Variants in ZBTB46 observed in about 807,000 individuals in gnomAD.
ZBTB46 encodes zinc finger and BTB domain containing 46, also known as zinc finger and BTB domain-containing protein 46.
A neutral mutation model predicts 44.1 loss-of-function variants in ZBTB46; 8 were observed. That is an observed-to-expected ratio of 0.18 (90% CI 0.11 to 0.33). ZBTB46 has a LOEUF of 0.33. Among genes scored for constraint, ZBTB46 ranks in the 10% least tolerant of loss-of-function variants. ZBTB46 has a pLI of 1.00. For synonymous variants in ZBTB46, 409 were observed against 382.3 expected (o/e 1.07, Z -0.81); for missense variants, 651 against 847.7 (o/e 0.77, Z 2.88).
chr20:63,747,457 TG>T lies in ZBTB46; in HGVS notation c.1399-157del, dbSNP rs1182355466. Among the ~76,000 whole-genome samples, 15 of 12,922 alleles carry T rather than the reference TG, an allele frequency of 1.2e-3. No individual in the cohort carries two copies. The South Asian group carries it at 0.014, about 12-fold the overall frequency. 8.5% of individuals were successfully genotyped at this position (12,922 alleles called of 152,430 possible). A position where few individuals can be genotyped will look rare whatever the true frequency, so the allele number is the denominator to read the frequency against. On this transcript the variant is annotated intron_variant, in intron 4 of 4. Transcript: ENST00000245663. Reference sequence around the variant, plus strand: ...GGGGGTGAGCAGGGCCTGGTGGAGGTGGGGGGGGCGGGGCAGGGGGTGAGCA... The same window carrying T: ...GGGGGTGAGCAGGGCCTGGTGGAGGTGGGGGGGCGGGGCAGGGGGTGAGCA...
intron 3 of ZBTB46, chr20:63,769,444 A>G: frequency 2.0e-6 from 2 of 985,282 alleles, no homozygotes; most frequent in Non-Finnish European, 2.4e-6. Flanking sequence ...GCTGGGTTCT[A>G]GAGAGTTCCA....
At chr20:63,759,125 A>G (rs1273068733) in intron 3 of ZBTB46, among the ~76,000 whole-genome samples, 1 of 152,126 alleles carries the variant, frequency 6.6e-6, no homozygotes, top group African/African-American at 2.4e-5. Context: ...TCCCAGCAAT[A>G]TTTTATAGTT....
At chr20:63,833,363 A>C (rs1030852894), upstream of ZBTB46, among the ~76,000 whole-genome samples, 1 of 152,166 alleles carries the variant, frequency 6.6e-6, no homozygotes, top group Non-Finnish European at 1.5e-5. Context: ...AGGCCGAGGC[A>C]GGCGGATCAC....
Position 63,743,695 on chromosome 20 carries a change from G to T in ZBTB46, c.*3235C>A, listed in dbSNP as rs1027838320. On this transcript the variant is annotated 3_prime_UTR_variant, in exon 5 of 5. Coordinates refer to ENST00000245663, the MANE Select transcript of ZBTB46 (RefSeq NM_001369741.1). ...TGGAGCAGCAATTTCCCAATTTATT[G>T]AAAGTGATCGCTTTGCAAGGATGTC... 1 of 152,384 alleles carries T rather than the reference G, an allele frequency of 6.6e-6. No individual in the cohort carries two copies. Among genetic ancestry groups the T allele is most frequent in the Non-Finnish European group, 1.5e-5 (1 of 68,050 alleles). 9.4% of individuals were successfully genotyped at this position (152,384 alleles called of 1,614,324 possible). A position where few individuals can be genotyped will look rare whatever the true frequency, so the allele number is the denominator to read the frequency against.
intron 1 of ZBTB46, among the ~76,000 whole-genome samples, chr20:63,802,680 G>A (rs1188702336): frequency 2.5e-4 from 36 of 145,210 alleles, no homozygotes; most frequent in Admixed American, 1.1e-3. Context: ...CACCCTCCCA[G>A]GAACCGCCGC....
rs2092173556 is a variant in ZBTB46, at chr20:63,752,098, C to A, written c.1398+588G>T. On this transcript the variant is annotated intron_variant, in intron 4 of 4. Coordinates refer to ENST00000245663, the MANE Select transcript of ZBTB46 (RefSeq NM_001369741.1). This position sits in a 1 kb window ranked among gnomAD's most constrained non-coding sequence, Gnocchi z 5.6. ...CCAGGACTCCCCGAACCCTTGGGGC[C>A]GCCCCGCTCTGGGCTGCCTGTGCCC... is the stretch of plus-strand genomic sequence containing the variant. 6.6e-6 allele frequency among the ~76,000 whole-genome samples: 1 copy of A among 152,112 alleles called. No individual in the cohort carries two copies. The highest frequency in any genetic ancestry group is 2.4e-5 in the African/African-American group (1 of 41,428).
Position 63,746,740 on chromosome 20 carries a change from A to G in ZBTB46, c.*190T>C. 2.3e-6 allele frequency: 2 copies of G among 867,482 alleles called. No individual in the cohort carries two copies. Among genetic ancestry groups the G allele is most frequent in the East Asian group, 3.0e-5 (1 of 33,106 alleles). 53.7% of individuals were successfully genotyped at this position (867,482 alleles called of 1,614,324 possible). ...CAACTCACTTCATGTCTGGTCCCAG[A>G]GCACCCCTCTTGCTGGGGTCGCACC... is the stretch of plus-strand genomic sequence containing the variant. On this transcript the variant is annotated 3_prime_UTR_variant, in exon 5 of 5. Coordinates refer to ENST00000245663, the MANE Select transcript of ZBTB46 (RefSeq NM_001369741.1).
chr20:63,827,615 AAAAAAAAAAAAAC>A (rs1600735977), intron 1 of ZBTB46, among the ~76,000 whole-genome samples: 1 of 97,646 alleles, frequency 1.0e-5, no homozygotes, highest in South Asian at 3.1e-4. Context: ...ACTCCGTCTC[AAAAAAAAAAAAAC>A]AAAAAAAAAA....
At chr20:63,754,850 C>T (rs6089972) in intron 3 of ZBTB46, among the ~76,000 whole-genome samples, 1 of 151,870 alleles carries the variant, frequency 6.6e-6, no homozygotes, top group Non-Finnish European at 1.5e-5. Context: ...CCGCCCGCCT[C>T]GGCCTCTCAA....
At chr20:63,748,911 G>A (rs1476388844) in intron 4 of ZBTB46, among the ~76,000 whole-genome samples, 4 of 152,222 alleles carry the variant, frequency 2.6e-5, no homozygotes, top group African/African-American at 7.2e-5. Context: ...CACTTGCAAA[G>A]ACCTCTGACG....
intron 3 of ZBTB46, among the ~76,000 whole-genome samples, chr20:63,766,831 C>A (rs560423074): frequency 6.6e-6 from 1 of 152,158 alleles, no homozygotes; most frequent in Non-Finnish European, 1.5e-5. Flanking sequence ...GGGGACCGTC[C>A]GGAAAGGGGA....
In ZBTB46 at chr20:63,828,181, C is replaced by T. The variant is rs554805302; in HGVS notation, c.-34+2916G>A. The stretch of plus-strand genomic sequence containing the variant: ...CTTTGTCATCACCAGCAAACCAGAA[C>T]ACCAAGCCTGGGTCTGTATATGTGA... On this transcript the variant is annotated intron_variant, in intron 1 of 4. Coordinates refer to ENST00000245663, the MANE Select transcript of ZBTB46 (RefSeq NM_001369741.1). Among the ~76,000 whole-genome samples the T allele has an allele frequency of 8.5e-5, 13 of 152,360 alleles. No individual in the cohort carries two copies. The South Asian group carries it at 2.7e-3, about 32-fold the overall frequency.
intron 1 of ZBTB46, among the ~76,000 whole-genome samples, chr20:63,817,122 GAAAA>G (rs1335209754): frequency 5.3e-5 from 8 of 151,304 alleles, no homozygotes; most frequent in Middle Eastern, 3.5e-3. Flanking sequence ...AAAAAGAAAA[GAAAA>G]GAAAAGGAAA....
intron 2 of ZBTB46, among the ~76,000 whole-genome samples, chr20:63,784,398 G>T (rs1402590558): frequency 2.0e-5 from 3 of 152,206 alleles, no homozygotes; most frequent in Non-Finnish European, 4.4e-5. Flanking sequence ...TCTGATGTAC[G>T]CTTAAAAATC....
rs2145990611 is a variant in ZBTB46, at chr20:63,803,001, G to A, written c.-33-12211C>T. 6.6e-6 allele frequency among the ~76,000 whole-genome samples: 1 copy of A among 152,234 alleles called. No homozygotes were observed. Among genetic ancestry groups the A allele is most frequent in the Middle Eastern group, 3.4e-3 (1 of 294 alleles). Reference sequence around the variant, plus strand: ...GACATGGCAGCCCCAGGTCACTGACGCCCCGTTTCTACCACCAAAGAGCGC... The same window carrying A: ...GACATGGCAGCCCCAGGTCACTGACACCCCGTTTCTACCACCAAAGAGCGC... On this transcript the variant is annotated intron_variant, in intron 1 of 4. Coordinates refer to ENST00000245663, the MANE Select transcript of ZBTB46 (RefSeq NM_001369741.1). The surrounding 1 kb of genome is among the most constrained non-coding windows in gnomAD (Gnocchi z 4.0).
chr20:63,758,796 A>C (rs1047780192), intron 3 of ZBTB46, among the ~76,000 whole-genome samples: 17 of 147,374 alleles, frequency 1.2e-4, no homozygotes, highest in African/African-American at 4.0e-4. Flanking sequence ...CAGTGGTGCG[A>C]TCTCAGCTCA....
intron 3 of ZBTB46, among the ~76,000 whole-genome samples, chr20:63,773,941 G>T (rs1430769009): frequency 6.6e-6 from 1 of 152,166 alleles, no homozygotes; most frequent in Non-Finnish European, 1.5e-5. Flanking sequence ...TTTGAGAGGG[G>T]ACGGGGCCAA....
chr20:63,816,926 G>A (rs925322802), intron 1 of ZBTB46, among the ~76,000 whole-genome samples: 1 of 152,030 alleles, frequency 6.6e-6, no homozygotes, highest in Non-Finnish European at 1.5e-5. Context: ...CCAACATGGA[G>A]AAACCCCATC....
chr20:63,770,149 C>T (rs1344149912), intron 3 of ZBTB46, among the ~76,000 whole-genome samples: 2 of 152,246 alleles, frequency 1.3e-5, no homozygotes, highest in African/African-American at 4.8e-5. Flanking sequence ...TTACAGTCTC[C>T]TGTCCCCGGC....
Sources: gnomAD v4.1 joint callset for allele counts (sites outside exome capture counted in the v4.1 genomes callset) on GRCh38, gnomAD v4.1.1 for gene constraint, Gnocchi (gnomAD v3.1) non-coding constraint, MANE v1.5 for transcripts, NCBI Gene and HGNC (gene_info 2026-07-23, HGNC 2026-07-21) for gene names.